TTC3: variants seen among roughly 807,000 people sequenced by gnomAD.
The protein encoded by TTC3 is tetratricopeptide repeat domain 3, also known as E3 ubiquitin-protein ligase TTC3.
A neutral mutation model predicts 249.6 loss-of-function variants in TTC3; 180 were observed. The observed-to-expected ratio is 0.72, with a 90% CI of 0.64 to 0.82. The LOEUF (loss-of-function observed/expected upper bound fraction) is 0.82, where lower values mean the gene tolerates loss of function less well. TTC3 is among the 40% of genes least tolerant of loss of function. The probability of loss-of-function intolerance (pLI) is 0.00; values close to 1 mark genes in which losing one functional copy is unlikely to be tolerated. For missense variants in TTC3, 2,061 were observed against 2,398.4 expected, an observed-to-expected ratio of 0.86 and a Z score of 2.94; for synonymous variants, 717 against 805.0, an observed-to-expected ratio of 0.89 and a Z score of 1.85.
chr21:37,135,485 C>T (rs1218852888), exon 18 of TTC3: 2 of 1,613,928 alleles, frequency 1.2e-6, no homozygotes, highest in Non-Finnish European at 1.7e-6. Flanking sequence ...TACAGAGTTG[C>T]TGAACGGTTT....
In TTC3 at chr21:37,117,289, A is replaced by G. The variant is rs145656421; in HGVS notation, c.901-4528A>G. Reference sequence around the variant, plus strand: ...ATTTTTTAAATGCCTTATTTTACACATGAAGCAATTGAGTCCCAGAGAGGT... The same window carrying G: ...ATTTTTTAAATGCCTTATTTTACACGTGAAGCAATTGAGTCCCAGAGAGGT... On this transcript the variant is annotated intron_variant, in intron 11 of 45. Coordinates refer to ENST00000355666, the Ensembl canonical transcript of TTC3. Among the ~76,000 whole-genome samples, 298 of 152,238 alleles carry G rather than the reference A, an allele frequency of 2.0e-3. 1 individual carries two copies. The highest frequency in any genetic ancestry group is 0.014 in the East Asian group (71 of 5,174).
In TTC3 at chr21:37,150,903, A is replaced by T. The variant is rs757725434; in HGVS notation, c.2276+19A>T. 6.5e-7 allele frequency: 1 copy of T among 1,548,760 alleles called. No homozygotes were observed. The highest frequency in any genetic ancestry group is 1.4e-5 in the African/African-American group (1 of 73,382). On this transcript the variant is annotated intron_variant, in intron 25 of 45. Coordinates refer to ENST00000355666, the Ensembl canonical transcript of TTC3. ...GTTCTAGGTAAGATTTTTAACAATCAATCAGTGGTTTGATGATGTCTCTTA... is the reference window on the plus strand; with the variant it reads ...GTTCTAGGTAAGATTTTTAACAATCTATCAGTGGTTTGATGATGTCTCTTA...
At chr21:37,078,542 A>G (rs1347720042) in intron 1 of TTC3, among the ~76,000 whole-genome samples, 1 of 152,098 alleles carries the variant, frequency 6.6e-6, no homozygotes, top group African/African-American at 2.4e-5. Flanking sequence ...TTTTGTTGCT[A>G]TTATAAATGG....
exon 46 of TTC3, chr21:37,201,690 C>T: frequency 7.5e-7 from 1 of 1,334,244 alleles, no homozygotes; most frequent in Non-Finnish European, 1.0e-6. Flanking sequence ...TGTCACAAAG[C>T]TAAATACATG....
intron 41 of TTC3, chr21:37,194,772 A>C (rs1352764816): frequency 6.6e-6 from 1 of 152,170 alleles, no homozygotes; most frequent in African/African-American, 2.4e-5. Flanking sequence ...TGTATCCCTG[A>C]GGATTACGGG....
intron 11 of TTC3, among the ~76,000 whole-genome samples, chr21:37,112,839 C>T (rs2075793473): frequency 6.6e-6 from 1 of 152,156 alleles, no homozygotes; most frequent in Admixed American, 6.5e-5. Context: ...AAAGGTTATC[C>T]ACCATGATCA....
chr21:37,126,287 ATATT>A (rs2077040710), intron 15 of TTC3, 144 bp downstream of exon 15: 1 of 543,022 alleles, frequency 1.8e-6, no homozygotes, highest in Non-Finnish European at 3.0e-6. Context: ...AAAATATTGA[ATATT>A]TATTTGAAAT....
At chr21:37,191,653 A>G (rs1298279192) in intron 40 of TTC3, among the ~76,000 whole-genome samples, 1 of 152,102 alleles carries the variant, frequency 6.6e-6, no homozygotes, top group African/African-American at 2.4e-5. Context: ...ATCTTGGCTC[A>G]CTGCAACCTC....
chr21:37,148,499 C>A, intron 22 of TTC3, 47 bp from the exon 23 acceptor site: 1 of 1,037,292 alleles, frequency 9.6e-7, no homozygotes, highest in Non-Finnish European at 1.4e-6. Flanking sequence ...AGTGAGTGTG[C>A]AGAGACATCT....
chr21:37,172,751 CTGT>C lies in TTC3; in HGVS notation c.4617+8_4617+10del. The C allele has an allele frequency of 6.2e-7, 1 of 1,613,210 alleles. No individual in the cohort carries two copies. Among genetic ancestry groups the C allele is most frequent in the Non-Finnish European group, 8.5e-7 (1 of 1,179,534 alleles). On this transcript the variant is annotated splice_region_variant and intron_variant, in intron 35 of 45. Transcript: ENST00000355666. ...GCACTTAGAAGAAAACAAGGTAATC[CTGT>C]CTGAAACCTGTCTTTAATTGCATGT... is the stretch of plus-strand genomic sequence containing the variant.
chr21:37,120,687 A>G (rs1601584707), intron 11 of TTC3, among the ~76,000 whole-genome samples: 1 of 152,276 alleles, frequency 6.6e-6, no homozygotes. Flanking sequence ...TAGTCTGTCT[A>G]AAAAAACTCC....
chr21:37,092,793 G>A (rs2073440450), intron 7 of TTC3, among the ~76,000 whole-genome samples: 1 of 151,888 alleles, frequency 6.6e-6, no homozygotes, highest in African/African-American at 2.4e-5. Flanking sequence ...CTATAGTTTT[G>A]TTGCAATAAA....
At chr21:37,084,594 C>G (rs925602900) in intron 1 of TTC3, among the ~76,000 whole-genome samples, 6 of 152,062 alleles carry the variant, frequency 3.9e-5, no homozygotes, top group African/African-American at 1.4e-4. Flanking sequence ...AGTAACTTGC[C>G]CAAGATCACA....
exon 25 of TTC3, chr21:37,150,853 C>G (rs762611826): frequency 1.9e-6 from 3 of 1,610,774 alleles, no homozygotes; most frequent in Non-Finnish European, 2.5e-6. Context: ...AAAGGTTCCT[C>G]CAAGACCTAT....
intron 36 of TTC3, among the ~76,000 whole-genome samples, chr21:37,185,348 G>A (rs1180311970): frequency 6.6e-6 from 1 of 152,336 alleles, no homozygotes; most frequent in African/African-American, 2.4e-5. Flanking sequence ...TTTTCATTTT[G>A]AATGAGAATC....
exon 44 of TTC3, chr21:37,198,023 A>T: frequency 6.2e-7 from 1 of 1,606,960 alleles, no homozygotes; most frequent in Non-Finnish European, 8.5e-7. Flanking sequence ...CCCTGTGAGG[A>T]TTGTATGTAT....
At chr21:37,150,973 A>T in intron 25 of TTC3, 89 bp downstream of exon 25, 5 of 971,630 alleles carry the variant, frequency 5.1e-6, no homozygotes. Context: ...ATGCCTTTTT[A>T]AAAATTGGCT....
intron 28 of TTC3, among the ~76,000 whole-genome samples, chr21:37,157,778 C>A (rs1246549636): frequency 6.6e-6 from 1 of 152,166 alleles, no homozygotes; most frequent in Non-Finnish European, 1.5e-5. Context: ...TCTTAATTTC[C>A]TCACATTAAA....
intron 17 of TTC3, among the ~76,000 whole-genome samples, chr21:37,133,274 C>G (rs1885675110): frequency 6.6e-6 from 1 of 151,968 alleles, no homozygotes. Context: ...ATATAAAATT[C>G]TTTTTACGTT....
Sources: gnomAD v4.1 joint callset for allele counts (sites outside exome capture counted in the v4.1 genomes callset) on GRCh38, gnomAD v4.1.1 for gene constraint, MANE v1.5 for transcripts, NCBI Gene and HGNC (gene_info 2026-07-23, HGNC 2026-07-21) for gene names.